Variants in MARCHF6 observed in about 807,000 individuals in gnomAD.
The protein encoded by MARCHF6 is E3 ubiquitin-protein ligase MARCHF6.
A neutral mutation model predicts 133.7 loss-of-function variants in MARCHF6; 31 were observed. The observed-to-expected ratio is 0.23, with a 90% CI of 0.17 to 0.31. The LOEUF is 0.31. MARCHF6 is among the 10% of genes least tolerant of loss of function. The pLI is 1.00. For synonymous variants in MARCHF6, 395 were observed against 402.5 expected (o/e 0.98, Z 0.22); for missense variants, 723 against 1,121.6 (o/e 0.64, Z 5.08).
At chr5:10,366,910 C>G (rs942873998) in intron 1 of MARCHF6, among the ~76,000 whole-genome samples, 3 of 152,188 alleles carry the variant, frequency 2.0e-5, no homozygotes, top group Non-Finnish European at 4.4e-5. Flanking sequence ...ACTCTTATAG[C>G]CTCCAGTGGT....
intron 9 of MARCHF6, among the ~76,000 whole-genome samples, chr5:10,396,707 G>A (rs6873932): frequency 0.053 from 8,005 of 152,116 alleles, 709 homozygotes; most frequent in African/African-American, 0.18. Flanking sequence ...GATAGCTGTC[G>A]CCTTAGAGGT....
chr5:10,400,117 A>G (rs930764206), intron 10 of MARCHF6, among the ~76,000 whole-genome samples: 2 of 152,222 alleles, frequency 1.3e-5, no homozygotes, highest in Admixed American at 1.3e-4. Context: ...TTCAGCTGAT[A>G]TCAACCTGGG....
At chr5:10,361,943 A>G (rs1226892784) in intron 1 of MARCHF6, among the ~76,000 whole-genome samples, 2 of 151,968 alleles carry the variant, frequency 1.3e-5, no homozygotes, top group South Asian at 2.1e-4. Flanking sequence ...TTGTATTTTT[A>G]GTAGAGATGG....
rs1740698554 is a variant in MARCHF6 at position 10,437,498 on chromosome 5, G to A, written c.*3814G>A. 1 of 152,130 alleles carries A rather than the reference G, an allele frequency of 6.6e-6. No homozygotes were observed. Among genetic ancestry groups the A allele is most frequent in the African/African-American group, 2.4e-5 (1 of 41,408 alleles). 9.4% of individuals were successfully genotyped at this position (152,130 alleles called of 1,614,324 possible). ...TTAAAAATAGCCATCATGAGTAAGG[G>A]CTTCTTTAAAATAATCCCTGACAAT... On this transcript the variant is annotated 3_prime_UTR_variant, in exon 26 of 26. Transcript: ENST00000274140.
intron 1 of MARCHF6, among the ~76,000 whole-genome samples, chr5:10,358,368 G>A (rs1256226849): frequency 6.6e-6 from 1 of 152,154 alleles, no homozygotes; most frequent in Non-Finnish European, 1.5e-5. Flanking sequence ...TTGAGCTGAC[G>A]TGAGACATAA....
chr5:10,394,132 A>G lies in MARCHF6; in HGVS notation c.817A>G (p.Thr273Ala). The G allele has an allele frequency of 6.4e-7, 1 of 1,565,280 alleles. No homozygotes were observed. Among genetic ancestry groups the G allele is most frequent in the Non-Finnish European group, 8.7e-7 (1 of 1,153,670 alleles). Residue 273 changes from threonine to alanine, a missense_variant, in exon 8 of 26, where the codon ACA becomes GCA. By Grantham distance (58) the Thr-to-Ala change is moderately conservative. This residue lies in a region of MARCHF6 where 43 missense variants were observed against 97.9 expected (regional missense o/e 0.44). Transcript: ENST00000274140. ...LEWDRAAEEL[T>A]WERMLGLDGS... ...ATGGGACCGAGCTGCTGAAGAGCTT[A>G]CATGGGAAAGAGTAAGACCTTTTTC...
Position 10,414,498 on chromosome 5 carries a change from A to G in MARCHF6, c.1962A>G (p.Leu654=). The G allele has an allele frequency of 6.2e-7, 1 of 1,610,924 alleles. No individual in the cohort carries two copies. Among genetic ancestry groups the G allele is most frequent in the Non-Finnish European group, 8.5e-7 (1 of 1,177,302 alleles). ...LLIASLICLT[L]PVFAGRWLMS... ...TTGCCAGCCTCATCTGCCTTACTTT[A>G]CCAGGTATGAGCTTGTGCTAGCCTT... Residue 654 remains leucine, a synonymous_variant, in exon 20 of 26, where the codon TTA becomes TTG. Transcript: ENST00000274140.
chr5:10,429,581 G>A (rs1470356129), intron 24 of MARCHF6, among the ~76,000 whole-genome samples: 1 of 151,844 alleles, frequency 6.6e-6, no homozygotes, highest in African/African-American at 2.4e-5. Flanking sequence ...TGTATTTTTT[G>A]GTAGAGACAG....
At chr5:10,364,890 G>A (rs779169601) in intron 1 of MARCHF6, among the ~76,000 whole-genome samples, 1 of 152,122 alleles carries the variant, frequency 6.6e-6, no homozygotes, top group Non-Finnish European at 1.5e-5. Flanking sequence ...TGCAACCTCT[G>A]CCACCCAGGT....
chr5:10,387,027 T>A lies in MARCHF6; in HGVS notation c.368T>A (p.Val123Glu). The A allele has an allele frequency of 6.2e-7, 1 of 1,613,254 alleles. No homozygotes were observed. The highest frequency in any genetic ancestry group is 8.5e-7 in the Non-Finnish European group (1 of 1,179,272). The change falls in exon 5 of 26, where the codon GTG becomes GAG. Residue 123 changes from valine (V) to glutamate (E), a missense_variant. Around this residue, in one of 4 missense-constraint regions of MARCHF6, gnomAD observed 91 missense variants for 208.8 expected, o/e 0.44. Transcript: ENST00000274140. Reference sequence around the variant, plus strand: ...TACAAGTGCTTGTTTACTGGCTCCGTGAGCTCACTACTGACGCTGCCATTA... The same window carrying A: ...TACAAGTGCTTGTTTACTGGCTCCGAGAGCTCACTACTGACGCTGCCATTA... ...RIYKCLFTGSVSSLLTLPLDM... is the reference protein window; with the variant it reads ...RIYKCLFTGSESSLLTLPLDM...
chr5:10,407,483 G>T (rs190386537), intron 17 of MARCHF6, among the ~76,000 whole-genome samples: 2 of 152,014 alleles, frequency 1.3e-5, no homozygotes, highest in African/African-American at 4.8e-5. Flanking sequence ...TTTTTTCTGC[G>T]CATAAAGTAT....
intron 5 of MARCHF6, among the ~76,000 whole-genome samples, chr5:10,388,770 C>G (rs1299453134): frequency 6.6e-6 from 1 of 152,204 alleles, no homozygotes. Context: ...CCTCTGGGCT[C>G]TGGAACTTGG....
At chr5:10,376,384 G>A (rs1179306372) in intron 1 of MARCHF6, among the ~76,000 whole-genome samples, 1 of 151,718 alleles carries the variant, frequency 6.6e-6, no homozygotes, top group Admixed American at 6.6e-5. Context: ...CCACCAGAAG[G>A]AAGAAACTCC....
intron 11 of MARCHF6, chr5:10,401,083 C>T (rs889452114): frequency 1.0e-5 from 4 of 394,870 alleles, no homozygotes; most frequent in African/African-American, 2.0e-5. Flanking sequence ...TGAGGCATAC[C>T]GTGGGAAAGT....
rs764063498 is a variant in MARCHF6, at chr5:10,433,618, G to A, written c.2667G>A (p.Val889=). The A allele has an allele frequency of 6.2e-7, 1 of 1,614,052 alleles. No homozygotes were observed. Among genetic ancestry groups the A allele is most frequent in the East Asian group, 2.2e-5 (1 of 44,892 alleles). The change falls in exon 26 of 26, where the codon GTG becomes GTA. Residue 889 remains valine, a synonymous_variant. Coordinates refer to ENST00000274140, the MANE Select transcript of MARCHF6 (RefSeq NM_005885.4). The part of the protein sequence containing the change: ...NDKYLVGQRL[V]NYERKSGKQG... ...GGTACCTTGTGGGTCAACGACTCGT[G>A]AACTACGAACGGAAATCTGGCAAAC...
At chr5:10,370,313 G>A (rs1412993690) in intron 1 of MARCHF6, among the ~76,000 whole-genome samples, 8 of 151,598 alleles carry the variant, frequency 5.3e-5, no homozygotes, top group Non-Finnish European at 8.8e-5. Flanking sequence ...ATGTTCCCCA[G>A]GCTGGTCTTG....
chr5:10,390,534 G>A, intron 6 of MARCHF6, 34 bp downstream of exon 6: 1 of 1,588,780 alleles, frequency 6.3e-7, no homozygotes, highest in African/African-American at 1.3e-5. Flanking sequence ...ATTTTACTTA[G>A]GTAGGTCATG....
chr5:10,433,692 G>GT lies in MARCHF6; in HGVS notation c.*9dup. Reference sequence around the variant, plus strand: ...CAGTCATCCCAAGAATAAAGTAGTTGTCTCAACAACTTGACCTTCCCCTTT... The same window carrying GT: ...CAGTCATCCCAAGAATAAAGTAGTTGTTCTCAACAACTTGACCTTCCCCTTT... On this transcript the variant is annotated 3_prime_UTR_variant, in exon 26 of 26. Transcript: ENST00000274140. The GT allele has an allele frequency of 6.2e-7, 1 of 1,612,668 alleles. No individual in the cohort carries two copies. The highest frequency in any genetic ancestry group is 1.3e-5 in the African/African-American group (1 of 74,990).
At chr5:10,423,268 T>C (rs1339532062) in intron 22 of MARCHF6, among the ~76,000 whole-genome samples, 1 of 152,114 alleles carries the variant, frequency 6.6e-6, no homozygotes, top group Non-Finnish European at 1.5e-5. Flanking sequence ...AGGAGGAACC[T>C]AGTAACAGTT....
Sources: gnomAD v4.1 joint callset for allele counts (sites outside exome capture counted in the v4.1 genomes callset) on GRCh38, gnomAD v4.1.1 for gene constraint, gnomAD v4.1.1 regional missense constraint, MANE v1.5 for transcripts, NCBI Gene and HGNC (gene_info 2026-07-23, HGNC 2026-07-21) for gene names.